The following KIF16B variants were observed in gnomAD, a reference collection of about 807,000 sequenced individuals.
The protein encoded by KIF16B is kinesin-like protein KIF16B.
Under a neutral mutation model 156.3 loss-of-function variants are expected in KIF16B, and 98 were observed. The ratio of observed to expected loss-of-function variants is 0.63; its 90% CI spans 0.53 to 0.74. KIF16B has a LOEUF of 0.74. KIF16B is among the 30% of genes least tolerant of loss of function. The pLI, the probability that KIF16B is intolerant of heterozygous loss-of-function variation, is 0.00. For missense variants in KIF16B, 1,421 were observed against 1,606.5 expected (o/e 0.88, Z 1.97); for synonymous variants, 564 against 583.7 (o/e 0.97, Z 0.49).
chr20:16,412,350 T>G (rs374291084), intron 15 of KIF16B, among the ~76,000 whole-genome samples: 1 of 151,960 alleles, frequency 6.6e-6, no homozygotes, highest in Non-Finnish European at 1.5e-5. Flanking sequence ...GAAATGCAGA[T>G]GTACTGGGCA....
chr20:16,432,827 T>C (rs1247666204), intron 12 of KIF16B, among the ~76,000 whole-genome samples: 1 of 152,174 alleles, frequency 6.6e-6, no homozygotes. Flanking sequence ...ATTAAATAGA[T>C]ACGCAGAGAA....
rs6135788 is a variant in KIF16B at position 16,528,239 on chromosome 20, G to A, written c.117+132C>T. Reference sequence around the variant, plus strand: ...AAGACTGAGCCCAAGCCAGGTGCAAGCTGACGTGGCTAACTGCACTGGAAA... The same window carrying A: ...AAGACTGAGCCCAAGCCAGGTGCAAACTGACGTGGCTAACTGCACTGGAAA... On this transcript the variant is annotated intron_variant, in intron 2 of 25. Transcript: ENST00000354981. The A allele has an allele frequency of 2.0e-3, 1,324 of 659,980 alleles. 30 individuals are homozygous for A. The East Asian group carries it at 0.028, about 14-fold the overall frequency. The allele number at this position is 659,980 out of a possible 1,614,324, so 40.9% of individuals were successfully genotyped here. A position where few individuals can be genotyped will look rare whatever the true frequency, so the allele number is the denominator to read the frequency against.
At chr20:16,378,550 T>C (rs750388766) in intron 19 of KIF16B, among the ~76,000 whole-genome samples, 47 of 152,124 alleles carry the variant, frequency 3.1e-4, no homozygotes, top group Non-Finnish European at 6.3e-4. Flanking sequence ...ATAATGTACA[T>C]GGGCTTTGCT....
intron 20 of KIF16B, 23 bp from the exon 21 acceptor site, chr20:16,371,784 T>A (rs746988228): frequency 2.7e-6 from 4 of 1,508,450 alleles, no homozygotes; most frequent in Non-Finnish European, 3.7e-6. Flanking sequence ...GGAGATGGAG[T>A]AGATCTGACA....
intron 22 of KIF16B, among the ~76,000 whole-genome samples, chr20:16,363,841 G>C (rs377068721): frequency 1.9e-3 from 290 of 152,252 alleles, no homozygotes; most frequent in Non-Finnish European, 2.7e-3. Context: ...CTGAAATTTG[G>C]GGGGGTTGTT....
intron 22 of KIF16B, among the ~76,000 whole-genome samples, chr20:16,360,868 A>G (rs371139717): frequency 2.0e-5 from 3 of 152,352 alleles, no homozygotes; most frequent in South Asian, 2.1e-4. Flanking sequence ...AAATTGAGGA[A>G]ATGAACAGGA....
chr20:16,478,429 T>C (rs1259336512), intron 12 of KIF16B, among the ~76,000 whole-genome samples: 2 of 152,180 alleles, frequency 1.3e-5, no homozygotes, highest in Non-Finnish European at 2.9e-5. Flanking sequence ...ATAGTCCCCC[T>C]TTATCCACGG....
chr20:16,431,913 T>TACACACACACACACACAC (rs74175693), intron 12 of KIF16B, among the ~76,000 whole-genome samples: 5,410 of 143,732 alleles, frequency 0.038, 113 homozygotes, highest in African/African-American at 0.047. Flanking sequence ...TGTATACGTA[T>TACACACACACACACACAC]ACACACACAC....
chr20:16,528,519 A>G, intron 1 of KIF16B, 79 bp from the exon 2 acceptor site: 2 of 1,090,196 alleles, frequency 1.8e-6, no homozygotes, highest in South Asian at 1.3e-5. Context: ...CATTTGTTTT[A>G]TTTACTTTTT....
At chr20:16,354,155 A>C (rs1365426176) in intron 23 of KIF16B, among the ~76,000 whole-genome samples, 1 of 152,136 alleles carries the variant, frequency 6.6e-6, no homozygotes, top group African/African-American at 2.4e-5. Context: ...CCTGATTATT[A>C]TTTGCTTGTA....
Position 16,329,665 on chromosome 20 carries a change from G to C in KIF16B, c.3711+6261C>G, listed in dbSNP as rs938748297. 2.0e-5 allele frequency among the ~76,000 whole-genome samples: 3 copies of C among 152,034 alleles called. No homozygotes were observed. The East Asian group carries it at 5.8e-4, about 29-fold the overall frequency. On this transcript the variant is annotated intron_variant, in intron 24 of 25. Coordinates refer to ENST00000354981, the MANE Select transcript of KIF16B (RefSeq NM_024704.5). The stretch of plus-strand genomic sequence containing the variant: ...TTAATTTGATTAAGATTCCATACAA[G>C]GTCAATGAAGGGGAACAGAAAATGA...
At position 16,377,699 on chromosome 20, in the gene KIF16B, T is replaced by A. The variant is rs2064988230; in HGVS notation, c.3197+1106A>T. ...GAAGGGGCTGAACCAGGCCATAAAT[T>A]CCTCTTGCAAGTCTCCAAATTGGGT... is the stretch of plus-strand genomic sequence containing the variant. On this transcript the variant is annotated intron_variant, in intron 19 of 25. Coordinates refer to ENST00000354981, the MANE Select transcript of KIF16B (RefSeq NM_024704.5). 2.0e-5 allele frequency among the ~76,000 whole-genome samples: 3 copies of A among 152,110 alleles called. No homozygotes were observed. In the South Asian group the frequency reaches 6.2e-4, roughly 32 times the overall value.
chr20:16,531,479 C>T (rs1380463297), intron 1 of KIF16B, among the ~76,000 whole-genome samples: 1 of 152,162 alleles, frequency 6.6e-6, no homozygotes, highest in African/African-American at 2.4e-5. Context: ...TGTGAGAAAA[C>T]CAGGTACGAG....
chr20:16,314,801 A>G (rs891814950), intron 24 of KIF16B, among the ~76,000 whole-genome samples: 3 of 152,106 alleles, frequency 2.0e-5, no homozygotes, highest in Non-Finnish European at 4.4e-5. Context: ...CCGTAGTGAC[A>G]TGGCTTCAAG....
intron 12 of KIF16B, among the ~76,000 whole-genome samples, chr20:16,473,264 C>T (rs561085614): frequency 6.6e-6 from 1 of 152,164 alleles, no homozygotes; most frequent in Non-Finnish European, 1.5e-5. Flanking sequence ...ATCTTAAAGG[C>T]TCTCCCAACT....
chr20:16,558,897 C>CAAAAAAAAAAAAA (rs11478258), intron 1 of KIF16B, among the ~76,000 whole-genome samples: 1 of 62,062 alleles, frequency 1.6e-5, no homozygotes, highest in Non-Finnish European at 2.9e-5. Flanking sequence ...GAGCAAGACT[C>CAAAAAAAAAAAAA]AAAAAAAAAA....
rs200700890 is a variant in KIF16B at position 16,356,413 on chromosome 20, G to T, written c.3538C>A (p.Leu1180Met). The change falls in exon 23 of 26, where the codon CTG becomes ATG. Residue 1180 changes from leucine (L) to methionine (M), a missense_variant. Transcript: ENST00000354981. The stretch of plus-strand genomic sequence containing the variant: ...ATACTAATTTTAATTGGGTCCTTCA[G>T]GTCATCTGGATTTGCGCCCAAAGAG... ...SRSLGANPDD[L>M]KDPIKISIPR... 2 of 1,614,132 alleles carry T rather than the reference G, an allele frequency of 1.2e-6. No individual in the cohort carries two copies. The highest frequency in any genetic ancestry group is 1.7e-6 in the Non-Finnish European group (2 of 1,180,006).
At chr20:16,278,652 G>A (rs958801464) in intron 25 of KIF16B, among the ~76,000 whole-genome samples, 4 of 152,154 alleles carry the variant, frequency 2.6e-5, no homozygotes, top group Admixed American at 2.6e-4. Context: ...GGCACATGAT[G>A]TTTAAAATCT....
intron 17 of KIF16B, among the ~76,000 whole-genome samples, chr20:16,402,319 A>T (rs945618458): frequency 6.6e-6 from 1 of 152,166 alleles, no homozygotes; most frequent in African/African-American, 2.4e-5. Context: ...TTTTTAAATT[A>T]TCTGTTGACT....
Sources: allele counts gnomAD v4.1 joint callset (sites outside exome capture counted in the v4.1 genomes callset), GRCh38; gene constraint gnomAD v4.1.1; transcripts MANE v1.5; gene names NCBI Gene and HGNC (gene_info 2026-07-23, HGNC 2026-07-21).